Variants in DYNC1I2 observed in about 807,000 individuals in gnomAD.
DYNC1I2 encodes cytoplasmic dynein 1 intermediate chain 2.
In DYNC1I2, 53 loss-of-function variants were observed where a neutral mutation model predicts 88.6. The observed-to-expected ratio is 0.60, with a 90% confidence interval of 0.48 to 0.75. The LOEUF (loss-of-function observed/expected upper bound fraction) is 0.75, where lower values mean the gene tolerates loss of function less well. DYNC1I2 is among the 30% of genes least tolerant of loss of function. The pLI is 0.00. For missense variants in DYNC1I2, 458 were observed against 766.6 expected, an observed-to-expected ratio of 0.60 and a Z score of 4.75; for synonymous variants, 198 against 254.6, an observed-to-expected ratio of 0.78 and a Z score of 2.12.
At position 171,697,684 on chromosome 2, in the gene DYNC1I2, C is replaced by CAA. The variant is rs142133174; in HGVS notation, c.226+4802_226+4803dup. On this transcript the variant is annotated intron_variant, in intron 3 of 17. Transcript: ENST00000397119. ...GCAACATGGCAAGACCCTGTCTCTA[C>CAA]AAAAAAAAAAAAAGAAAAACAAAAT... Among the ~76,000 whole-genome samples the CAA allele has an allele frequency of 4.8e-4, 60 of 124,980 alleles. 1 individual carries two copies. In the South Asian group the frequency reaches 9.2e-3, roughly 19 times the overall value. 82.0% of individuals were successfully genotyped at this position (124,980 alleles called of 152,430 possible). A position where few individuals can be genotyped will look rare whatever the true frequency, so the allele number is the denominator to read the frequency against.
chr2:171,720,500 A>T (rs1467003192), intron 7 of DYNC1I2, among the ~76,000 whole-genome samples: 1 of 152,164 alleles, frequency 6.6e-6, no homozygotes, highest in Admixed American at 6.5e-5. Context: ...TGGGAGGCCG[A>T]GGTGGGGCAG....
intron 1 of DYNC1I2, chr2:171,687,845 G>C (rs1685078774): frequency 6.5e-6 from 1 of 152,904 alleles, no homozygotes; most frequent in South Asian, 2.1e-4. Context: ...GCAGGCGGGA[G>C]GACTCTTCCC....
chr2:171,699,591 A>AGTGTGTGTGTGTGTGTGTGTGT (rs3223500), intron 3 of DYNC1I2, among the ~76,000 whole-genome samples: 2 of 137,734 alleles, frequency 1.5e-5, no homozygotes, highest in African/African-American at 5.5e-5. Flanking sequence ...CATCATTTGG[A>AGTGTGTGTGTGTGTGTGTGTGT]GTGTGTGTGT....
At chr2:171,701,469 C>T (rs1365974832) in intron 3 of DYNC1I2, among the ~76,000 whole-genome samples, 1 of 152,110 alleles carries the variant, frequency 6.6e-6, no homozygotes, top group Admixed American at 6.5e-5. Context: ...TGTGCCCAGC[C>T]CCTTGCTGTT....
chr2:171,708,493 A>G (rs747903583), intron 5 of DYNC1I2, among the ~76,000 whole-genome samples: 1 of 152,222 alleles, frequency 6.6e-6, no homozygotes, highest in Non-Finnish European at 1.5e-5. Flanking sequence ...TCTAAGCTAT[A>G]CTATCTTTGG....
intron 15 of DYNC1I2, among the ~76,000 whole-genome samples, chr2:171,735,271 A>G (rs1227485935): frequency 6.6e-6 from 1 of 152,200 alleles, no homozygotes; most frequent in Non-Finnish European, 1.5e-5. Flanking sequence ...GAGATTTATA[A>G]TTCAGTCACA....
intron 7 of DYNC1I2, 132 bp downstream of exon 7, chr2:171,715,575 T>A: frequency 3.4e-6 from 2 of 593,490 alleles, no homozygotes; most frequent in Non-Finnish European, 5.8e-6. Flanking sequence ...TAGGGAAACA[T>A]GAGAAAACTA....
At chr2:171,696,737 A>G (rs1322766328) in intron 3 of DYNC1I2, among the ~76,000 whole-genome samples, 3 of 152,040 alleles carry the variant, frequency 2.0e-5, no homozygotes, top group Admixed American at 6.5e-5. Flanking sequence ...GTAAATTCCC[A>G]TATATTTATG....
chr2:171,708,093 A>AC (rs1553582707), intron 5 of DYNC1I2, among the ~76,000 whole-genome samples: 2 of 151,770 alleles, frequency 1.3e-5, no homozygotes, highest in African/African-American at 4.8e-5. Context: ...ACACACACAC[A>AC]AAATAGTGAG....
At chr2:171,708,413 A>G (rs1340429659) in intron 5 of DYNC1I2, among the ~76,000 whole-genome samples, 1 of 152,258 alleles carries the variant, frequency 6.6e-6, no homozygotes, top group African/African-American at 2.4e-5. Flanking sequence ...ATCATTAACA[A>G]TTAAAAGGCA....
At chr2:171,732,092 G>A (rs1688654266) in intron 15 of DYNC1I2, among the ~76,000 whole-genome samples, 1 of 152,146 alleles carries the variant, frequency 6.6e-6, no homozygotes, top group Non-Finnish European at 1.5e-5. Flanking sequence ...GACCGGGCAG[G>A]GTGGCTTACG....
chr2:171,747,678 CTTT>C, intron 17 of DYNC1I2, 95 bp from the exon 18 acceptor site: 1 of 802,270 alleles, frequency 1.2e-6, no homozygotes, highest in Non-Finnish European at 1.9e-6. Context: ...TCAATTATTA[CTTT>C]TTAACAGAAA....
chr2:171,694,042 CTTT>C (rs956017843), intron 3 of DYNC1I2, among the ~76,000 whole-genome samples: 2 of 141,120 alleles, frequency 1.4e-5, no homozygotes, highest in African/African-American at 2.6e-5. Flanking sequence ...TTTCTTTCTT[CTTT>C]TTTTTTTTTT....
chr2:171,732,350 C>G (rs1688677070), intron 15 of DYNC1I2, among the ~76,000 whole-genome samples: 1 of 152,186 alleles, frequency 6.6e-6, no homozygotes. Flanking sequence ...ACGAGCAAAA[C>G]TCCACCTGAA....
intron 3 of DYNC1I2, among the ~76,000 whole-genome samples, chr2:171,694,888 G>C (rs918351630): frequency 6.6e-6 from 1 of 152,004 alleles, no homozygotes; most frequent in African/African-American, 2.4e-5. Context: ...CTCCCACTAG[G>C]CCCCACTTCC....
Position 171,715,360 on chromosome 2 carries a change from T to C in DYNC1I2, c.428T>C (p.Ile143Thr), listed in dbSNP as rs1469460024. 1 of 1,564,732 alleles carries C rather than the reference T, an allele frequency of 6.4e-7. No homozygotes were observed. Among genetic ancestry groups the C allele is most frequent in the East Asian group, 2.3e-5 (1 of 42,664 alleles). The change falls in exon 7 of 18, where the codon ATC (isoleucine) becomes ACC (threonine). Residue 143 changes from isoleucine (I) to threonine (T), a missense_variant. This residue lies in a region of DYNC1I2 where 203 missense variants were observed against 354.2 expected (regional missense o/e 0.57). Coordinates refer to ENST00000397119, the MANE Select transcript of DYNC1I2 (RefSeq NM_001378.3). ...RGPIKLGMAK[I>T]TQVDFPPREI... ...CCTATTAAACTTGGAATGGCTAAAATCACGCAAGTCGACTTTCCTCCTCGA... is the reference window on the plus strand; with the variant it reads ...CCTATTAAACTTGGAATGGCTAAAACCACGCAAGTCGACTTTCCTCCTCGA...
chr2:171,726,323 ACT>A, intron 10 of DYNC1I2, 30 bp downstream of exon 10: 1 of 1,456,306 alleles, frequency 6.9e-7, no homozygotes, highest in Non-Finnish European at 9.4e-7. Context: ...GCCGCTCTTA[ACT>A]CATTTTTAAA....
Position 171,737,663 on chromosome 2 carries a change from C to T in DYNC1I2, c.1537-6386C>T, listed in dbSNP as rs979145300. Among the ~76,000 whole-genome samples, 10 of 152,298 alleles carry T rather than the reference C, an allele frequency of 6.6e-5. 1 individual carries two copies. Among genetic ancestry groups the T allele is most frequent in the African/African-American group, 2.4e-4 (10 of 41,570 alleles). The stretch of plus-strand genomic sequence containing the variant: ...CAAACTCCTGGCCTCAAGTGATCTG[C>T]CTGCCTCGGGCTCCCAAAGTGGTTG... On this transcript the variant is annotated intron_variant, in intron 15 of 17. Transcript: ENST00000397119.
chr2:171,728,542 C>T (rs1688395439), intron 13 of DYNC1I2, 124 bp downstream of exon 13: 8 of 795,670 alleles, frequency 1.0e-5, no homozygotes, highest in East Asian at 2.8e-5. Flanking sequence ...TAAGCTGAAA[C>T]GTGTTTAATA....
Sources: allele counts gnomAD v4.1 joint callset (sites outside exome capture counted in the v4.1 genomes callset), GRCh38; gene constraint gnomAD v4.1.1; regional missense constraint gnomAD v4.1.1; transcripts MANE v1.5; gene names NCBI Gene and HGNC (gene_info 2026-07-23, HGNC 2026-07-21).